COA1: variants seen among roughly 807,000 people sequenced by gnomAD.
COA1 encodes the protein cytochrome c oxidase assembly factor 1 homolog.
A neutral mutation model predicts 16.0 loss-of-function variants in COA1; 13 were observed. The observed-to-expected ratio is 0.81, with a 90% CI of 0.53 to 1.29. The LOEUF (loss-of-function observed/expected upper bound fraction) is 1.29, where lower values mean the gene tolerates loss of function less well. Ranked by LOEUF, COA1 falls within the 50% of genes most tolerant of loss-of-function variation. The pLI, the probability that COA1 is intolerant of heterozygous loss-of-function variation, is 0.00. For missense variants in COA1, 179 were observed against 177.0 expected (o/e 1.01, Z -0.06); for synonymous variants, 65 against 65.7 (o/e 0.99, Z 0.05).
At chr7:43,631,899 A>T (rs1216987118) in intron 6 of COA1, 1 of 152,256 alleles carries the variant, frequency 6.6e-6, no homozygotes, top group South Asian at 2.1e-4. Context: ...GCCTAAAAAT[A>T]ATGTACATAC....
chr7:43,697,573 C>T (rs1047288603), intron 1 of COA1, among the ~76,000 whole-genome samples: 5 of 152,110 alleles, frequency 3.3e-5, no homozygotes, highest in Non-Finnish European at 7.3e-5. Context: ...TATGAGCCAC[C>T]GCACCCAGCT....
At chr7:43,700,283 T>C (rs1347518150) in intron 1 of COA1, among the ~76,000 whole-genome samples, 2 of 152,090 alleles carry the variant, frequency 1.3e-5, no homozygotes, top group East Asian at 3.9e-4. Context: ...AGCTGTTGAA[T>C]ACAGATGATA....
chr7:43,728,756 T>C (rs2095673194), intron 1 of COA1, among the ~76,000 whole-genome samples: 1 of 152,162 alleles, frequency 6.6e-6, no homozygotes, highest in African/African-American at 2.4e-5. Context: ...GTGAGCCACC[T>C]CAGAAATAAA....
chr7:43,722,997 C>T (rs1270189824), intron 1 of COA1, among the ~76,000 whole-genome samples: 1 of 152,168 alleles, frequency 6.6e-6, no homozygotes, highest in African/African-American at 2.4e-5. Flanking sequence ...ATACCAGTTC[C>T]TCCCATCTCT....
At chr7:43,612,764 G>A (rs545806511) in intron 6 of COA1, among the ~76,000 whole-genome samples, 2 of 151,684 alleles carry the variant, frequency 1.3e-5, no homozygotes, top group African/African-American at 2.4e-5. Flanking sequence ...CTGATTCACT[G>A]AAGACTGTCA....
chr7:43,672,623 A>G (rs767687226), intron 1 of COA1, among the ~76,000 whole-genome samples: 1 of 152,168 alleles, frequency 6.6e-6, no homozygotes, highest in African/African-American at 2.4e-5. Context: ...TACAAAAATT[A>G]GCTGGGCATG....
In COA1 at chr7:43,647,411, C is replaced by A. The variant is rs773108236; in HGVS notation, c.115+124G>T. 5 of 742,154 alleles carry A rather than the reference C, an allele frequency of 6.7e-6. No homozygotes were observed. The South Asian group carries it at 7.6e-5, about 11-fold the overall frequency. 46.0% of individuals were successfully genotyped at this position (742,154 alleles called of 1,614,324 possible). A position where few individuals can be genotyped will look rare whatever the true frequency, so the allele number is the denominator to read the frequency against. On this transcript the variant is annotated intron_variant, in intron 3 of 5. Coordinates refer to ENST00000223336, the MANE Select transcript of COA1 (RefSeq NM_018224.4). The stretch of plus-strand genomic sequence containing the variant: ...TATAGCCAACGAAATGGTGGACTAG[C>A]CTTTAAAATCACCCTCTCCTCCTTT...
chr7:43,624,139 T>C (rs910729969), intron 6 of COA1, among the ~76,000 whole-genome samples: 4 of 152,142 alleles, frequency 2.6e-5, no homozygotes, highest in African/African-American at 9.7e-5. Flanking sequence ...TATAACAGGA[T>C]TTAAATATTA....
At chr7:43,622,436 C>G (rs1015631611) in intron 6 of COA1, 2 of 151,874 alleles carry the variant, frequency 1.3e-5, no homozygotes, top group African/African-American at 4.8e-5. Context: ...AGAACATTTT[C>G]ATTCCTTTTT....
chr7:43,644,754 ATAGATAGG>A (rs2088480087), intron 4 of COA1, among the ~76,000 whole-genome samples: 1 of 107,240 alleles, frequency 9.3e-6, no homozygotes, highest in Non-Finnish European at 2.0e-5. Flanking sequence ...AGATAGATAG[ATAGATAGG>A]CAGGCAGGCA....
intron 1 of COA1, among the ~76,000 whole-genome samples, chr7:43,715,640 C>T (rs1192220397): frequency 6.6e-6 from 1 of 152,182 alleles, no homozygotes; most frequent in South Asian, 2.1e-4. Context: ...CACAAAAACA[C>T]TATATCTTTT....
intron 1 of COA1, among the ~76,000 whole-genome samples, chr7:43,713,854 CATG>C (rs1265418829): frequency 2.0e-5 from 3 of 152,106 alleles, no homozygotes; most frequent in African/African-American, 7.2e-5. Flanking sequence ...GCCTGACCAA[CATG>C]GTGAAAGCCT....
intron 1 of COA1, among the ~76,000 whole-genome samples, chr7:43,682,438 T>TA (rs1234367759): frequency 6.6e-6 from 1 of 152,224 alleles, no homozygotes; most frequent in Non-Finnish European, 1.5e-5. Flanking sequence ...AAGAAGTTGA[T>TA]ATTGATCTCT....
downstream of COA1, among the ~76,000 whole-genome samples, chr7:43,635,150 A>G (rs1379026578): frequency 6.6e-6 from 1 of 152,148 alleles, no homozygotes; most frequent in Non-Finnish European, 1.5e-5. Flanking sequence ...ACTTTTATAT[A>G]ATTTTATAAA....
intron 1 of COA1, among the ~76,000 whole-genome samples, chr7:43,687,840 C>T (rs978353502): frequency 6.6e-6 from 1 of 151,934 alleles, no homozygotes; most frequent in East Asian, 1.9e-4. Flanking sequence ...CATTAACAGG[C>T]AGTGATATGG....
chr7:43,656,128 A>T (rs2091672074), intron 1 of COA1: 1 of 152,246 alleles, frequency 6.6e-6, no homozygotes, highest in Non-Finnish European at 1.5e-5. Flanking sequence ...ATGGGACAAA[A>T]GAACCATCAG....
At chr7:43,722,263 T>C (rs1462752600) in intron 1 of COA1, among the ~76,000 whole-genome samples, 2 of 151,940 alleles carry the variant, frequency 1.3e-5, no homozygotes, top group African/African-American at 4.8e-5. Context: ...GCTAGTTCTT[T>C]TGTATTTTTA....
intron 4 of COA1, 58 bp downstream of exon 4, chr7:43,645,193 T>G: frequency 6.4e-7 from 1 of 1,555,888 alleles, no homozygotes; most frequent in Non-Finnish European, 8.8e-7. Context: ...CAGGAGACAG[T>G]AGACTCTCCT....
At chr7:43,703,719 A>C (rs2094851918) in intron 1 of COA1, among the ~76,000 whole-genome samples, 1 of 152,078 alleles carries the variant, frequency 6.6e-6, no homozygotes, top group South Asian at 2.1e-4. Context: ...CCATCCCTTC[A>C]CTTTGAGCCT....
Sources: gnomAD v4.1 joint callset for allele counts (sites outside exome capture counted in the v4.1 genomes callset) on GRCh38, gnomAD v4.1.1 for gene constraint, MANE v1.5 for transcripts, NCBI Gene and HGNC (gene_info 2026-07-23, HGNC 2026-07-21) for gene names.